Variants in FGGY observed in about 807,000 individuals in gnomAD.
The protein encoded by FGGY is FGGY carbohydrate kinase domain containing.
A neutral mutation model predicts 71.3 loss-of-function variants in FGGY; 72 were observed. The ratio of observed to expected loss-of-function variants is 1.01; its 90% confidence interval spans 0.84 to 1.23. FGGY has a LOEUF of 1.23. Ranked by LOEUF, FGGY falls within the 50% of genes most tolerant of loss-of-function variation. The probability of loss-of-function intolerance (pLI) is 0.00; values close to 1 mark genes in which losing one functional copy is unlikely to be tolerated. For missense variants in FGGY, 668 were observed against 682.3 expected, an observed-to-expected ratio of 0.98 and a Z score of 0.23; for synonymous variants, 251 against 250.3, an observed-to-expected ratio of 1.00 and a Z score of -0.02.
intron 10 of FGGY, among the ~76,000 whole-genome samples, chr1:59,634,721 A>T (rs1246971893): frequency 6.6e-6 from 1 of 152,192 alleles, no homozygotes; most frequent in African/African-American, 2.4e-5. Flanking sequence ...TGAGTTTCTT[A>T]TGATGGCAAA....
At chr1:59,587,454 G>A (rs1268802500) in intron 8 of FGGY, among the ~76,000 whole-genome samples, 2 of 152,098 alleles carry the variant, frequency 1.3e-5, no homozygotes, top group African/African-American at 2.4e-5. Flanking sequence ...GGTTCTCCCA[G>A]CACGCAACTG....
chr1:59,570,885 G>A (rs1037732137), intron 8 of FGGY, among the ~76,000 whole-genome samples: 2 of 152,146 alleles, frequency 1.3e-5, no homozygotes, highest in Non-Finnish European at 2.9e-5. Context: ...AGCTTCTTTT[G>A]TTTGTGCTAG....
At chr1:59,400,866 G>A (rs2061873808) in intron 5 of FGGY, among the ~76,000 whole-genome samples, 1 of 151,990 alleles carries the variant, frequency 6.6e-6, no homozygotes, top group African/African-American at 2.4e-5. Context: ...TGACCTCCCA[G>A]GCTCGAGCAA....
intron 7 of FGGY, among the ~76,000 whole-genome samples, chr1:59,514,601 A>G (rs12566667): frequency 0.051 from 7,804 of 152,270 alleles, 255 homozygotes; most frequent in East Asian, 0.13. Context: ...TGTATCTCCC[A>G]GAATTCCCAC....
chr1:59,388,060 G>A (rs2060277710), intron 5 of FGGY, among the ~76,000 whole-genome samples: 1 of 151,996 alleles, frequency 6.6e-6, no homozygotes, highest in Non-Finnish European at 1.5e-5. Flanking sequence ...CTAGTGTATA[G>A]AACTTCTAAT....
intron 14 of FGGY, among the ~76,000 whole-genome samples, chr1:59,734,480 A>G (rs528715488): frequency 6.6e-6 from 1 of 152,306 alleles, no homozygotes; most frequent in East Asian, 1.9e-4. Flanking sequence ...CTGGGATTAC[A>G]GGCGTGAGTC....
chr1:59,589,487 T>C (rs985398294), intron 8 of FGGY, among the ~76,000 whole-genome samples: 25 of 152,122 alleles, frequency 1.6e-4, no homozygotes, highest in Non-Finnish European at 1.5e-4. Flanking sequence ...AATATACATT[T>C]TTTCCAGCAC....
At chr1:59,658,777 A>C (rs1380157488) in intron 11 of FGGY, among the ~76,000 whole-genome samples, 1 of 152,256 alleles carries the variant, frequency 6.6e-6, no homozygotes, top group African/African-American at 2.4e-5. Flanking sequence ...GGCCTCTGTC[A>C]GCAATTAGGA....
chr1:59,493,112 C>CAA (rs2093926046), intron 6 of FGGY, among the ~76,000 whole-genome samples: 1 of 151,412 alleles, frequency 6.6e-6, no homozygotes, highest in African/African-American at 2.4e-5. Context: ...CACACACACA[C>CAA]ACACACACAC....
At chr1:59,484,208 T>C (rs1205449878) in intron 6 of FGGY, among the ~76,000 whole-genome samples, 2 of 152,174 alleles carry the variant, frequency 1.3e-5, no homozygotes, top group Admixed American at 6.5e-5. Flanking sequence ...CTCATGCTTT[T>C]TACCAGTAAA....
chr1:59,649,767 G>A (rs960825823), intron 11 of FGGY, among the ~76,000 whole-genome samples: 1 of 141,928 alleles, frequency 7.0e-6, no homozygotes. Flanking sequence ...AATTGCCCTG[G>A]CCAGAACTTC....
chr1:59,534,834 C>T (rs572279313), intron 7 of FGGY, among the ~76,000 whole-genome samples: 1 of 152,108 alleles, frequency 6.6e-6, no homozygotes, highest in East Asian at 1.9e-4. Context: ...GAAGGAAGTG[C>T]TAAACATGGA....
chr1:59,638,179 C>T, intron 10 of FGGY, 49 bp from the exon 11 acceptor site: 2 of 1,570,004 alleles, frequency 1.3e-6, no homozygotes, highest in East Asian at 2.2e-5. Flanking sequence ...GAATGATTTG[C>T]TCCCTGACCC....
intron 5 of FGGY, among the ~76,000 whole-genome samples, chr1:59,405,917 C>CTT (rs111511578): frequency 2.1e-5 from 3 of 144,928 alleles, no homozygotes; most frequent in African/African-American, 7.5e-5. Flanking sequence ...TTTCCCCTAG[C>CTT]TTTTTTTTTT....
chr1:59,320,269 G>A (rs2046159036), intron 1 of FGGY, among the ~76,000 whole-genome samples: 1 of 152,166 alleles, frequency 6.6e-6, no homozygotes, highest in South Asian at 2.1e-4. Flanking sequence ...GTTTTTTACT[G>A]GAGTAAATAT....
intron 14 of FGGY, among the ~76,000 whole-genome samples, chr1:59,691,974 G>A (rs1235514636): frequency 6.6e-6 from 1 of 152,166 alleles, no homozygotes; most frequent in Non-Finnish European, 1.5e-5. Context: ...ACATAGAGTA[G>A]CTGCTTGGTA....
intron 2 of FGGY, among the ~76,000 whole-genome samples, chr1:59,336,215 G>A (rs371443745): frequency 4.8e-4 from 73 of 152,134 alleles, no homozygotes; most frequent in African/African-American, 1.6e-3. Flanking sequence ...TATAGTTCTA[G>A]CATCACTGTC....
intron 4 of FGGY, among the ~76,000 whole-genome samples, chr1:59,377,716 A>AC (rs368902528): frequency 3.9e-4 from 59 of 151,784 alleles, no homozygotes; most frequent in Non-Finnish European, 1.5e-5. Context: ...GATCCTGGAA[A>AC]CCCCCTCAAG....
chr1:59,725,754 T>G (rs1275799078), intron 14 of FGGY, among the ~76,000 whole-genome samples: 1 of 152,186 alleles, frequency 6.6e-6, no homozygotes, highest in Non-Finnish European at 1.5e-5. Flanking sequence ...TCCTATACCC[T>G]TACTTGTTTG....
Sources: allele counts gnomAD v4.1 joint callset (sites outside exome capture counted in the v4.1 genomes callset), GRCh38; gene constraint gnomAD v4.1.1; transcripts MANE v1.5; gene names NCBI Gene and HGNC (gene_info 2026-07-23, HGNC 2026-07-21).